Variants in TMEM232 observed in about 807,000 individuals in gnomAD.
The protein encoded by TMEM232 is transmembrane protein 232.
A neutral mutation model predicts 78.8 loss-of-function variants in TMEM232; 80 were observed. The observed-to-expected ratio is 1.01, with a 90% CI of 0.85 to 1.22. The LOEUF is 1.22. Ranked by LOEUF, TMEM232 falls within the 50% of genes most tolerant of loss-of-function variation. TMEM232 has a pLI of 0.00. For synonymous variants in TMEM232, 297 were observed against 254.3 expected, an observed-to-expected ratio of 1.17 and a Z score of -1.60; for missense variants, 881 against 742.2, an observed-to-expected ratio of 1.19 and a Z score of -2.17.
chr5:110,424,936 C>G lies in TMEM232; in HGVS notation c.1704-20G>C. On this transcript the variant is annotated intron_variant, in intron 12 of 13. Coordinates refer to ENST00000455884, the MANE Select transcript of TMEM232 (RefSeq NM_001039763.4). Reference sequence around the variant, plus strand: ...TGTTCCCTTCAAAAGAGCACAAGAACAAATCCAACATTAGGTATAGGTACT... The same window carrying G: ...TGTTCCCTTCAAAAGAGCACAAGAAGAAATCCAACATTAGGTATAGGTACT... 1 of 1,510,154 alleles carries G rather than the reference C, an allele frequency of 6.6e-7. No individual in the cohort carries two copies. The highest frequency in any genetic ancestry group is 1.4e-5 in the African/African-American group (1 of 72,042). 93.5% of individuals were successfully genotyped at this position (1,510,154 alleles called of 1,614,324 possible). A position where few individuals can be genotyped will look rare whatever the true frequency, so the allele number is the denominator to read the frequency against.
intron 1 of TMEM232, among the ~76,000 whole-genome samples, chr5:110,703,485 C>G (rs978564856): frequency 2.0e-5 from 3 of 152,064 alleles, no homozygotes; most frequent in Admixed American, 1.3e-4. Flanking sequence ...TCCAGGGAAG[C>G]CTTTTCACGG....
At chr5:110,582,490 A>C (rs900482912) in intron 10 of TMEM232, among the ~76,000 whole-genome samples, 5 of 151,982 alleles carry the variant, frequency 3.3e-5, no homozygotes, top group African/African-American at 1.2e-4. Context: ...TGGCAATAAT[A>C]GACACTGGGA....
At chr5:110,652,045 T>C (rs977240683) in intron 2 of TMEM232, among the ~76,000 whole-genome samples, 3 of 152,096 alleles carry the variant, frequency 2.0e-5, no homozygotes, top group East Asian at 3.8e-4. Context: ...CAAGAAGAAA[T>C]AGGAGGCTGA....
intron 5 of TMEM232, among the ~76,000 whole-genome samples, chr5:110,630,024 T>C (rs1784921917): frequency 1.3e-5 from 2 of 152,284 alleles, no homozygotes; most frequent in African/African-American, 4.8e-5. Context: ...GATAATACCC[T>C]TTAATAAAGC....
chr5:110,504,956 G>A (rs1364717664), intron 12 of TMEM232, among the ~76,000 whole-genome samples: 7 of 152,144 alleles, frequency 4.6e-5, no homozygotes, highest in Non-Finnish European at 7.4e-5. Context: ...TTTCATACAA[G>A]AAACTATTTT....
chr5:110,558,169 T>C (rs1775323001), intron 11 of TMEM232, among the ~76,000 whole-genome samples: 1 of 152,012 alleles, frequency 6.6e-6, no homozygotes, highest in Non-Finnish European at 1.5e-5. Context: ...TGTGTTGGAG[T>C]GGCCAAAGTG....
chr5:110,702,894 G>A (rs905031483), intron 1 of TMEM232, among the ~76,000 whole-genome samples: 2 of 151,978 alleles, frequency 1.3e-5, no homozygotes, highest in African/African-American at 2.4e-5. Context: ...ACTGACAGAC[G>A]TTACATGTAG....
At chr5:110,510,526 T>C (rs904819868) in intron 12 of TMEM232, among the ~76,000 whole-genome samples, 1 of 152,214 alleles carries the variant, frequency 6.6e-6, no homozygotes, top group Non-Finnish European at 1.5e-5. Context: ...GTGCAGGCTA[T>C]ATTGAATGGC....
chr5:110,412,985 A>G (rs534699563), intron 2 of TMEM232, among the ~76,000 whole-genome samples: 1 of 152,182 alleles, frequency 6.6e-6, no homozygotes, highest in Non-Finnish European at 1.5e-5. Context: ...TAAAAAATCT[A>G]ACCTGAAATC....
intron 3 of TMEM232, among the ~76,000 whole-genome samples, chr5:110,641,740 T>C (rs1344445584): frequency 6.6e-6 from 1 of 152,184 alleles, no homozygotes; most frequent in African/African-American, 2.4e-5. Flanking sequence ...TATTTCTCTG[T>C]AAAACTTAAA....
chr5:110,421,286 T>C (rs1316930912), intron 13 of TMEM232, among the ~76,000 whole-genome samples: 5 of 151,978 alleles, frequency 3.3e-5, no homozygotes, highest in African/African-American at 1.2e-4. Flanking sequence ...TTTTTCTTTT[T>C]CTTTTGCTTT....
At chr5:110,671,420 A>C (rs1331391244) in intron 1 of TMEM232, among the ~76,000 whole-genome samples, 1 of 152,212 alleles carries the variant, frequency 6.6e-6, no homozygotes, top group Non-Finnish European at 1.5e-5. Flanking sequence ...AGGATTATAA[A>C]TCATTCTACT....
chr5:110,588,370 T>C (rs1195247569), intron 10 of TMEM232, among the ~76,000 whole-genome samples: 1 of 152,144 alleles, frequency 6.6e-6, no homozygotes. Context: ...CATCATATTA[T>C]ATTATTGGAA....
rs1764486538 is a variant in TMEM232 at position 110,486,542 on chromosome 5, C to T, written c.1703+42046G>A. Among the ~76,000 whole-genome samples, 3 of 152,094 alleles carry T rather than the reference C, an allele frequency of 2.0e-5. No individual in the cohort carries two copies. In the South Asian group the frequency reaches 6.2e-4, roughly 32 times the overall value. On this transcript the variant is annotated intron_variant, in intron 12 of 13. Coordinates refer to ENST00000455884, the MANE Select transcript of TMEM232 (RefSeq NM_001039763.4). The stretch of plus-strand genomic sequence containing the variant: ...TTTCATTCTCCTACATGTGGCTAAG[C>T]AATTATCCCAGCACCATTTGTTGAA...
At chr5:110,624,852 A>C (rs111307747) in intron 7 of TMEM232, among the ~76,000 whole-genome samples, 2,001 of 152,234 alleles carry the variant, frequency 0.013, 38 homozygotes, top group African/African-American at 0.045. Flanking sequence ...TAGGTGTTTC[A>C]ACTCGCATAA....
intron 12 of TMEM232, among the ~76,000 whole-genome samples, chr5:110,440,762 T>C (rs114032963): frequency 1.3e-5 from 2 of 152,192 alleles, no homozygotes; most frequent in Non-Finnish European, 2.9e-5. Flanking sequence ...CTACGCACTA[T>C]CTTCTTGCCT....
chr5:110,693,427 A>C (rs538766253), intron 1 of TMEM232, among the ~76,000 whole-genome samples: 1 of 152,322 alleles, frequency 6.6e-6, no homozygotes, highest in Admixed American at 6.5e-5. Flanking sequence ...GCAGCTCCTC[A>C]CCAGCAACAG....
At chr5:110,662,200 A>C (rs181919738) in intron 2 of TMEM232, among the ~76,000 whole-genome samples, 1 of 152,266 alleles carries the variant, frequency 6.6e-6, no homozygotes, top group Admixed American at 6.5e-5. Context: ...GAAAATACAA[A>C]TTTTAGAAAT....
At chr5:110,628,120 T>C (rs4544868) in intron 5 of TMEM232, among the ~76,000 whole-genome samples, 47,331 of 151,968 alleles carry the variant, frequency 0.31, 9,809 homozygotes, top group African/African-American at 0.6. Flanking sequence ...ACACTAAATG[T>C]TATTTTGTTC....
Sources: allele counts gnomAD v4.1 joint callset (sites outside exome capture counted in the v4.1 genomes callset), GRCh38; gene constraint gnomAD v4.1.1; transcripts MANE v1.5; gene names NCBI Gene and HGNC (gene_info 2026-07-23, HGNC 2026-07-21).